SLC7A14: variants seen among roughly 807,000 people sequenced by gnomAD.
SLC7A14 encodes the protein gamma-aminobutyric acid transporter SLC7A14.
Under a neutral mutation model 60.2 loss-of-function variants are expected in SLC7A14, and 37 were observed. The observed-to-expected ratio is 0.61, with a 90% confidence interval of 0.47 to 0.81. The LOEUF (loss-of-function observed/expected upper bound fraction) is 0.81, where lower values mean the gene tolerates loss of function less well. Among genes scored for constraint, SLC7A14 ranks in the 30% least tolerant of loss-of-function variants. The pLI, the probability that SLC7A14 is intolerant of heterozygous loss-of-function variation, is 0.00. For missense variants in SLC7A14, 886 were observed against 982.7 expected (o/e 0.90, Z 1.32); for synonymous variants, 399 against 395.8 (o/e 1.01, Z -0.10).
chr3:170,471,382 A>C, intron 7 of SLC7A14, among the ~76,000 whole-genome samples: 1 of 152,120 alleles, frequency 6.6e-6, no homozygotes, highest in East Asian at 1.9e-4. Flanking sequence ...AGCTCCCTTC[A>C]TGCTCCCTCC....
chr3:170,536,121 T>C (rs890047872), intron 1 of SLC7A14, among the ~76,000 whole-genome samples: 1 of 152,240 alleles, frequency 6.6e-6, no homozygotes, highest in Admixed American at 6.5e-5. Context: ...AGCGTCAGTT[T>C]TATTATCTGA....
At chr3:170,556,284 G>T (rs1204174206) in intron 1 of SLC7A14, among the ~76,000 whole-genome samples, 1 of 152,180 alleles carries the variant, frequency 6.6e-6, no homozygotes, top group Admixed American at 6.5e-5. Context: ...TTCATTTTCT[G>T]TGGGGCTTAT....
intron 2 of SLC7A14, among the ~76,000 whole-genome samples, chr3:170,502,012 A>G (rs1157289302): frequency 1.3e-5 from 2 of 152,232 alleles, no homozygotes; most frequent in East Asian, 1.9e-4. Context: ...TGCCCACTGT[A>G]GGCTGTGTAA....
At chr3:170,541,908 A>T (rs1714028595) in intron 1 of SLC7A14, among the ~76,000 whole-genome samples, 1 of 152,216 alleles carries the variant, frequency 6.6e-6, no homozygotes, top group South Asian at 2.1e-4. Context: ...CAAAACACAG[A>T]AGCTCCCAGA....
chr3:170,528,779 T>C (rs1713587021), intron 1 of SLC7A14, among the ~76,000 whole-genome samples: 1 of 152,152 alleles, frequency 6.6e-6, no homozygotes, highest in Non-Finnish European at 1.5e-5. Flanking sequence ...CCCTTCCTCC[T>C]CTCCTCTTTC....
chr3:170,579,050 A>G (rs772507572), intron 1 of SLC7A14, among the ~76,000 whole-genome samples: 1 of 152,100 alleles, frequency 6.6e-6, no homozygotes, highest in Non-Finnish European at 1.5e-5. Context: ...CCAAACACAT[A>G]CTCTTTCCTA....
chr3:170,467,258 C>T lies in SLC7A14; in HGVS notation c.2113G>A (p.Glu705Lys). Residue 705 changes from glutamate (E) to lysine (K), a missense_variant, in exon 8 of 8, where the codon GAG becomes AAG. Transcript: ENST00000231706. ...TCTGTGGCGTAGGAGAAACCCTCCT[C>T]CACTGAGAAGGGGTCATCCACGTCG... ...RYDVDDPFSV[E>K]EGFSYATEGE... The T allele has an allele frequency of 6.2e-6, 10 of 1,614,254 alleles. No individual in the cohort carries two copies. Among genetic ancestry groups the T allele is most frequent in the Non-Finnish European group, 8.5e-6 (10 of 1,180,052 alleles).
At chr3:170,538,593 C>T (rs139546943) in intron 1 of SLC7A14, among the ~76,000 whole-genome samples, 63 of 152,324 alleles carry the variant, frequency 4.1e-4, no homozygotes, top group Non-Finnish European at 8.2e-4. Flanking sequence ...CTCCAACACA[C>T]CCAGCCTCAC....
intron 2 of SLC7A14, among the ~76,000 whole-genome samples, chr3:170,521,605 T>C (rs1372367383): frequency 1.3e-5 from 2 of 152,122 alleles, no homozygotes; most frequent in African/African-American, 4.8e-5. Flanking sequence ...AAGTGATTAA[T>C]AAGAAAATAA....
intron 1 of SLC7A14, among the ~76,000 whole-genome samples, chr3:170,533,658 T>TGTGTGTGTGTGTGTGTGTGTGTGTG (rs2108296922): frequency 7.2e-6 from 1 of 139,812 alleles, no homozygotes; most frequent in African/African-American, 3.3e-5. Flanking sequence ...CCAGTGTGTG[T>TGTGTGTGTGTGTGTGTGTGTGTGTG]GTGTGTGTGT....
At position 170,480,960 on chromosome 3, in the gene SLC7A14, A is replaced by G; in HGVS notation, c.1322T>C (p.Val441Ala). 1 of 1,614,026 alleles carries G rather than the reference A, an allele frequency of 6.2e-7. No homozygotes were observed. Among genetic ancestry groups the G allele is most frequent in the Non-Finnish European group, 8.5e-7 (1 of 1,180,004 alleles). ...GGTGTGCTCCTCAGACAAGAACTTGACAAAACCATCAATGTCACTCTCAGG... is the reference window on the plus strand; with the variant it reads ...GGTGTGCTCCTCAGACAAGAACTTGGCAAAACCATCAATGTCACTCTCAGG... Reference protein sequence around the residue: ...YQPESDIDGFVKFLSEEHTKK... With the variant: ...YQPESDIDGFAKFLSEEHTKK... The change falls in exon 7 of 8, where the codon GTC (valine) becomes GCC (alanine). Residue 441 changes from valine (V) to alanine (A), a missense_variant. Coordinates refer to ENST00000231706, the MANE Select transcript of SLC7A14 (RefSeq NM_020949.3).
chr3:170,543,116 C>G (rs1237867232), intron 1 of SLC7A14, among the ~76,000 whole-genome samples: 1 of 152,162 alleles, frequency 6.6e-6, no homozygotes, highest in African/African-American at 2.4e-5. Flanking sequence ...CATCTTTGCT[C>G]TTTGAGTCAC....
intron 1 of SLC7A14, among the ~76,000 whole-genome samples, chr3:170,569,847 G>A (rs909593711): frequency 7.9e-5 from 12 of 151,980 alleles, no homozygotes; most frequent in Non-Finnish European, 7.4e-5. Context: ...CTGTGGGGTC[G>A]GTGGTGATAT....
chr3:170,543,571 C>A (rs921430358), intron 1 of SLC7A14, among the ~76,000 whole-genome samples: 4 of 151,706 alleles, frequency 2.6e-5, no homozygotes, highest in African/African-American at 9.7e-5. Context: ...ATCGCTTGAA[C>A]CCCAGAGGTT....
Position 170,534,057 on chromosome 3 carries a change from TTTTG to T in SLC7A14, c.-152-6973_-152-6970del, listed in dbSNP as rs548160615. On this transcript the variant is annotated intron_variant, in intron 1 of 7. Transcript: ENST00000231706. Reference sequence around the variant, plus strand: ...TTCCTTTTCAAAGCTTGTTGGTTTTTTTTGTTTGTTTGTTTCTAAAAAGTTATTG... The same window carrying T: ...TTCCTTTTCAAAGCTTGTTGGTTTTTTTTGTTTGTTTCTAAAAAGTTATTG... 8.7e-4 allele frequency among the ~76,000 whole-genome samples: 133 copies of T among 152,360 alleles called. 5 individuals carry two copies. In the South Asian group the frequency reaches 0.019, roughly 21 times the overall value.
intron 2 of SLC7A14, among the ~76,000 whole-genome samples, chr3:170,525,574 AC>A (rs1402971395): frequency 3.3e-5 from 5 of 152,024 alleles, no homozygotes; most frequent in African/African-American, 1.2e-4. Flanking sequence ...TATCAGATTT[AC>A]TGACTTGTCA....
At chr3:170,552,566 G>A (rs781134113) in intron 1 of SLC7A14, among the ~76,000 whole-genome samples, 2 of 152,156 alleles carry the variant, frequency 1.3e-5, no homozygotes, top group African/African-American at 2.4e-5. Context: ...ATATGTGACC[G>A]TGCTGCCCAT....
At position 170,480,248 on chromosome 3, in the gene SLC7A14, C is replaced by T. The variant is rs371940074; in HGVS notation, c.1993+41G>A. 1.3e-5 allele frequency: 20 copies of T among 1,510,368 alleles called. 1 individual carries two copies. The Middle Eastern group carries it at 1.1e-3, about 81-fold the overall frequency. 93.6% of individuals were successfully genotyped at this position (1,510,368 alleles called of 1,614,324 possible). On this transcript the variant is annotated intron_variant, in intron 7 of 7. Transcript: ENST00000231706. ...ATTTTGGGATAAGCATGCTTAAGACCTTAAAAGGGAACTCTTAAGGCTCCA... is the reference window on the plus strand; with the variant it reads ...ATTTTGGGATAAGCATGCTTAAGACTTTAAAAGGGAACTCTTAAGGCTCCA...
At position 170,543,031 on chromosome 3, in the gene SLC7A14, A is replaced by G. The variant is rs368211235; in HGVS notation, c.-152-15943T>C. Reference sequence around the variant, plus strand: ...GGGAAACTCTGCTTGACAAACCTGAACAAGAATAAAAATATTCCTTAAAGC... The same window carrying G: ...GGGAAACTCTGCTTGACAAACCTGAGCAAGAATAAAAATATTCCTTAAAGC... On this transcript the variant is annotated intron_variant, in intron 1 of 7. Transcript: ENST00000231706. Among the ~76,000 whole-genome samples the G allele has an allele frequency of 5.6e-4, 86 of 152,310 alleles. 2 individuals are homozygous for G. In the South Asian group the frequency reaches 0.017, roughly 30 times the overall value.
Sources: allele counts gnomAD v4.1 joint callset (sites outside exome capture counted in the v4.1 genomes callset), GRCh38; gene constraint gnomAD v4.1.1; transcripts MANE v1.5; gene names NCBI Gene and HGNC (gene_info 2026-07-23, HGNC 2026-07-21).